The following KIF13B variants were observed in gnomAD, a reference collection of about 807,000 sequenced individuals.
KIF13B encodes the protein kinesin family member 13B.
Under a neutral mutation model 222.0 loss-of-function variants are expected in KIF13B, and 127 were observed. That is an observed-to-expected ratio of 0.57 (90% CI 0.50 to 0.66). KIF13B has a LOEUF of 0.66. Ranked by LOEUF, KIF13B falls within the 30% of genes least tolerant of loss-of-function variation. The pLI, the probability that KIF13B is intolerant of heterozygous loss-of-function variation, is 0.00. For synonymous variants in KIF13B, 976 were observed against 919.0 expected (o/e 1.06, Z -1.12); for missense variants, 2,173 against 2,379.0 (o/e 0.91, Z 1.80).
At position 29,092,867 on chromosome 8, in the gene KIF13B, G is replaced by C. The variant is rs369865951; in HGVS notation, c.4336C>G (p.Leu1446Val). Reference sequence around the variant, plus strand: ...ACAGGATTCAAGTAGGATGCTGCAAGGTTACTGAGTCCTGCCCATATTACA... The same window carrying C: ...ACAGGATTCAAGTAGGATGCTGCAACGTTACTGAGTCCTGCCCATATTACA... ...NHSPDPGLSN[L>V]AASYLNPVKS... Residue 1446 changes from leucine to valine, a missense_variant, in exon 37 of 40, where the codon CTT becomes GTT. Physicochemically the swap from Leu to Val is conservative, Grantham distance 32 (BLOSUM62 1). Transcript: ENST00000524189. The C allele has an allele frequency of 5.0e-6, 8 of 1,609,990 alleles. No individual in the cohort carries two copies. Among genetic ancestry groups the C allele is most frequent in the Non-Finnish European group, 6.8e-6 (8 of 1,178,136 alleles).
rs1265643989 is a variant in KIF13B, at chr8:29,182,002, G to A, written c.502C>T (p.Arg168Cys). Residue 168 changes from arginine to cysteine, a missense_variant, in exon 7 of 40, where the codon CGT becomes TGT. By Grantham distance (180) the Arg-to-Cys change is radical. Transcript: ENST00000524189. ...TGCTCTCTGACTTTCAACGTCTGAC[G>A]GCTTCTGTTCATGAAAAACAAAGAA... ...VRDLLDPKGS[R>C]QTLKVREHSV... 9 of 1,612,348 alleles carry A rather than the reference G, an allele frequency of 5.6e-6. No individual in the cohort carries two copies. The highest frequency in any genetic ancestry group is 2.2e-5 in the East Asian group (1 of 44,842).
At chr8:29,160,534 T>C (rs1811728990) in intron 13 of KIF13B, among the ~76,000 whole-genome samples, 199 bp downstream of exon 13, 1 of 151,798 alleles carries the variant, frequency 6.6e-6, no homozygotes, top group Admixed American at 6.6e-5. Flanking sequence ...TTGGAAATAA[T>C]ATCAGAGTAT....
At chr8:29,119,110 C>A in intron 29 of KIF13B, 118 bp from the exon 30 acceptor site, 1 of 1,103,684 alleles carries the variant, frequency 9.1e-7, no homozygotes. Flanking sequence ...GCTTTTTGCT[C>A]TGAAATCTTA....
chr8:29,233,001 C>T (rs949047445), intron 2 of KIF13B, among the ~76,000 whole-genome samples: 2 of 152,116 alleles, frequency 1.3e-5, no homozygotes, highest in Non-Finnish European at 2.9e-5. Context: ...ACTAAAAATA[C>T]AAAAATTAGC....
At chr8:29,158,776 C>G (rs1003650374) in intron 13 of KIF13B, among the ~76,000 whole-genome samples, 1 of 152,204 alleles carries the variant, frequency 6.6e-6, no homozygotes, top group African/African-American at 2.4e-5. Context: ...CTTGGCCAAA[C>G]AGGGCTGGCC....
At chr8:29,128,894 CAT>C (rs1256557866) in intron 24 of KIF13B, among the ~76,000 whole-genome samples, 4 of 152,182 alleles carry the variant, frequency 2.6e-5, no homozygotes, top group African/African-American at 9.7e-5. Context: ...AATTTTCAAA[CAT>C]ATTAGACTCA....
chr8:29,219,456 A>T (rs1448573848), intron 2 of KIF13B: 1 of 152,288 alleles, frequency 6.6e-6, no homozygotes, highest in Non-Finnish European at 1.5e-5. Flanking sequence ...GGAGGAGTAG[A>T]AAAGAAAATG....
intron 21 of KIF13B, among the ~76,000 whole-genome samples, chr8:29,139,584 G>A (rs190415082): frequency 1.3e-5 from 2 of 152,274 alleles, no homozygotes; most frequent in East Asian, 3.9e-4. Context: ...CTACCTTGTG[G>A]CTGACACGTA....
intron 35 of KIF13B, among the ~76,000 whole-genome samples, chr8:29,106,931 T>C (rs1429497989): frequency 1.3e-5 from 2 of 152,206 alleles, no homozygotes; most frequent in East Asian, 3.8e-4. Context: ...TGGGGCATGC[T>C]GCACACAGAT....
chr8:29,112,842 C>T (rs1809421327), intron 32 of KIF13B, among the ~76,000 whole-genome samples: 1 of 152,216 alleles, frequency 6.6e-6, no homozygotes, highest in African/African-American at 2.4e-5. Flanking sequence ...TTCCATCAAG[C>T]TTGTACCAGG....
chr8:29,072,806 C>T (rs1807362770), intron 38 of KIF13B, among the ~76,000 whole-genome samples: 2 of 152,182 alleles, frequency 1.3e-5, no homozygotes, highest in Admixed American at 1.3e-4. Context: ...CAGAGGGCAG[C>T]ACACAGTAGG....
chr8:29,143,584 A>ACG (rs1810915924), intron 18 of KIF13B, among the ~76,000 whole-genome samples: 1 of 152,242 alleles, frequency 6.6e-6, no homozygotes, highest in Admixed American at 6.5e-5. Flanking sequence ...GTGGTGGCTC[A>ACG]CGCCTGTAAT....
At chr8:29,228,153 A>C (rs1815109216) in intron 2 of KIF13B, among the ~76,000 whole-genome samples, 1 of 151,714 alleles carries the variant, frequency 6.6e-6, no homozygotes, top group African/African-American at 2.4e-5. Flanking sequence ...ATAGTGTTGA[A>C]AGTGTGACTA....
At chr8:29,120,257 C>T (rs1809803141) in intron 29 of KIF13B, among the ~76,000 whole-genome samples, 1 of 120,088 alleles carries the variant, frequency 8.3e-6, no homozygotes. Context: ...TATACATGTG[C>T]CATGCTGGTG....
At chr8:29,234,742 G>T (rs935215601) in intron 2 of KIF13B, among the ~76,000 whole-genome samples, 8 of 151,022 alleles carry the variant, frequency 5.3e-5, no homozygotes, top group Non-Finnish European at 1.0e-4. Flanking sequence ...AAAACCCAGG[G>T]CCAAGGTCAG....
intron 21 of KIF13B, among the ~76,000 whole-genome samples, chr8:29,134,929 TG>T (rs1402029416): frequency 2.0e-5 from 3 of 152,132 alleles, no homozygotes; most frequent in Non-Finnish European, 2.9e-5. Flanking sequence ...AGGGTGCGGT[TG>T]TAACAAAGTG....
chr8:29,128,932 C>T (rs1320153904), intron 24 of KIF13B, among the ~76,000 whole-genome samples: 5 of 152,170 alleles, frequency 3.3e-5, no homozygotes, highest in South Asian at 2.1e-4. Context: ...CAAGGCCCTC[C>T]GAAACCAGCC....
At chr8:29,108,248 C>A in intron 34 of KIF13B, 56 bp from the exon 35 acceptor site, 1 of 1,535,572 alleles carries the variant, frequency 6.5e-7, no homozygotes, top group South Asian at 1.2e-5. Context: ...TACACGTGGT[C>A]TAGGCAACGC....
At chr8:29,167,311 T>C (rs955489341) in intron 11 of KIF13B, 62 bp downstream of exon 11, 130 of 1,407,186 alleles carry the variant, frequency 9.2e-5, no homozygotes, top group Non-Finnish European at 1.3e-4. Flanking sequence ...GGGAAGGAAA[T>C]TCAAGCTCTA....
Sources: gnomAD v4.1 joint callset for allele counts (sites outside exome capture counted in the v4.1 genomes callset) on GRCh38, gnomAD v4.1.1 for gene constraint, MANE v1.5 for transcripts, NCBI Gene and HGNC (gene_info 2026-07-23, HGNC 2026-07-21) for gene names.